RTN3: variants seen among roughly 807,000 people sequenced by gnomAD.
RTN3 encodes reticulon 3, also known as reticulon-3.
A neutral mutation model predicts 77.8 loss-of-function variants in RTN3; 49 were observed. That is an observed-to-expected ratio of 0.63 (90% CI 0.50 to 0.80). The LOEUF (loss-of-function observed/expected upper bound fraction) is 0.80. Among genes scored for constraint, RTN3 ranks in the 30% least tolerant of loss-of-function variants. The pLI is 0.00. For synonymous variants in RTN3, 464 were observed against 446.9 expected (o/e 1.04, Z -0.48); for missense variants, 1,236 against 1,211.9 (o/e 1.02, Z -0.29).
At chr11:63,713,554 C>T (rs914618161) in intron 2 of RTN3, among the ~76,000 whole-genome samples, 1 of 152,074 alleles carries the variant, frequency 6.6e-6, no homozygotes, top group African/African-American at 2.4e-5. Context: ...CAAGCTGTCT[C>T]CCTGCCTTGG....
Position 63,750,113 on chromosome 11 carries a change from G to T in RTN3, c.2653G>T (p.Ala885Ser), listed in dbSNP as rs2014022023. The T allele has an allele frequency of 2.5e-6, 4 of 1,612,818 alleles. No homozygotes were observed. The highest frequency in any genetic ancestry group is 1.7e-5 in the Admixed American group (1 of 59,894). Reference protein sequence around the residue: ...VISVVSYLILALLSVTISFRI... With the variant: ...VISVVSYLILSLLSVTISFRI... ...CAGTGTGGTTTCTTACCTCATCCTG[G>T]CTCTTCTCTCTGTCACCATCAGCTT... The change falls in exon 4 of 9, where the codon GCT becomes TCT. Residue 885 changes from alanine to serine, a missense_variant. Around this residue, in one of 3 missense-constraint regions of RTN3, gnomAD observed 39 missense variants for 66.6 expected, o/e 0.59. Coordinates refer to ENST00000377819, the MANE Select transcript of RTN3 (RefSeq NM_001265589.2).
At chr11:63,726,573 G>A (rs2012278205) in intron 3 of RTN3, among the ~76,000 whole-genome samples, 1 of 152,042 alleles carries the variant, frequency 6.6e-6, no homozygotes, top group African/African-American at 2.4e-5. Flanking sequence ...GATGAAAGAA[G>A]TGAACTGGGC....
chr11:63,713,751 A>G (rs1003279515), intron 2 of RTN3, among the ~76,000 whole-genome samples: 1 of 152,220 alleles, frequency 6.6e-6, no homozygotes, highest in Non-Finnish European at 1.5e-5. Context: ...AATTTAGAAA[A>G]TGTTCATAAT....
At chr11:63,686,245 C>T (rs1465989628) in intron 1 of RTN3, among the ~76,000 whole-genome samples, 1 of 150,694 alleles carries the variant, frequency 6.6e-6, no homozygotes, top group Non-Finnish European at 1.5e-5. Context: ...CCGAGGCAGG[C>T]GGATCACGAG....
chr11:63,721,281 T>A (rs2011773298), intron 3 of RTN3, among the ~76,000 whole-genome samples: 1 of 152,066 alleles, frequency 6.6e-6, no homozygotes, highest in Non-Finnish European at 1.5e-5. Context: ...CCCTAAATAT[T>A]TTTTCTATGC....
intron 1 of RTN3, among the ~76,000 whole-genome samples, chr11:63,704,327 A>G (rs1590805996): frequency 6.6e-6 from 1 of 152,284 alleles, no homozygotes; most frequent in South Asian, 2.1e-4. Context: ...TTTAGAAGAT[A>G]GATTTCTCAT....
chr11:63,721,375 C>G (rs901194919), intron 3 of RTN3, among the ~76,000 whole-genome samples: 51 of 152,120 alleles, frequency 3.4e-4, no homozygotes, highest in African/African-American at 1.2e-3. Context: ...GAGATTGAGA[C>G]CATCCTGGCT....
At chr11:63,741,995 T>C (rs1273525826) in intron 3 of RTN3, among the ~76,000 whole-genome samples, 1 of 151,532 alleles carries the variant, frequency 6.6e-6, no homozygotes. Flanking sequence ...TTTTTTTTTT[T>C]TTGAGATGGA....
rs1193342828 is a variant in RTN3 at position 63,719,064 on chromosome 11, AATGGGGTATC to A, written c.564_573del (p.Asn188LysfsTer18). The stretch of plus-strand genomic sequence containing the variant: ...AATAGATAAAGAGACCAAGAACCCA[AATGGGGTATC>A]AAGTAGGGAGGCTAAAACTGCATTG... On this transcript the variant is annotated frameshift_variant, in exon 3 of 9. Coordinates refer to ENST00000377819, the MANE Select transcript of RTN3 (RefSeq NM_001265589.2). LOFTEE classifies it high-confidence loss of function. 6.2e-7 allele frequency: 1 copy of A among 1,614,162 alleles called. No homozygotes were observed. The highest frequency in any genetic ancestry group is 8.5e-7 in the Non-Finnish European group (1 of 1,180,020).
intron 2 of RTN3, chr11:63,714,404 G>C (rs2011276396): frequency 6.6e-6 from 1 of 151,950 alleles, no homozygotes; most frequent in Non-Finnish European, 1.4e-5. Flanking sequence ...TAAATAGTAA[G>C]TTATAATATT....
chr11:63,711,314 G>T (rs1013880522), intron 2 of RTN3, among the ~76,000 whole-genome samples: 10 of 151,992 alleles, frequency 6.6e-5, no homozygotes, highest in Non-Finnish European at 1.2e-4. Context: ...TTATCTTTCA[G>T]TGTTGGCTTA....
At chr11:63,712,548 T>G (rs1275804365) in intron 2 of RTN3, among the ~76,000 whole-genome samples, 2 of 149,386 alleles carry the variant, frequency 1.3e-5, no homozygotes, top group Non-Finnish European at 3.0e-5. Flanking sequence ...TGCAGTGGTG[T>G]GATCTTGGCT....
intron 7 of RTN3, 115 bp downstream of exon 7, chr11:63,753,823 A>G (rs1221788342): frequency 6.2e-6 from 6 of 962,526 alleles, no homozygotes; most frequent in African/African-American, 4.8e-5. Context: ...TCTACAATCT[A>G]ATTTTGTGAG....
In RTN3 at chr11:63,718,805, T is replaced by C. The variant is rs890715069; in HGVS notation, c.303T>C (p.His101=). The C allele has an allele frequency of 1.7e-5, 28 of 1,613,870 alleles. No homozygotes were observed. In the Admixed American group the frequency reaches 3.2e-4, roughly 18 times the overall value. ...ATAACACTGGCCTTACAATACTACA[T>C]GGAGAAAAAAGCCATGTGTTAGGGA... ...EIHNTGLTIL[H]GEKSHVLGSQ... is the part of the protein sequence containing the mutation. The change falls in exon 3 of 9, where the codon CAT becomes CAC. Residue 101 remains histidine (H), a synonymous_variant. Coordinates refer to ENST00000377819, the MANE Select transcript of RTN3 (RefSeq NM_001265589.2).
chr11:63,681,647 C>G lies in RTN3; in HGVS notation c.11C>G (p.Pro4Arg). 1 of 1,593,080 alleles carries G rather than the reference C, an allele frequency of 6.3e-7. No homozygotes were observed. Among genetic ancestry groups the G allele is most frequent in the Non-Finnish European group, 8.6e-7 (1 of 1,168,466 alleles). ...CTCGCTCGCGTAGCCATGGCGGAGCCGTCGGCGGCCACTCAGTCCCATTCC... is the reference window on the plus strand; with the variant it reads ...CTCGCTCGCGTAGCCATGGCGGAGCGGTCGGCGGCCACTCAGTCCCATTCC... Reference protein sequence around the residue: MAEPSAATQSHSIS... With the variant: MAERSAATQSHSIS... The change falls in exon 1 of 9, where the codon CCG becomes CGG. Residue 4 changes from proline (P) to arginine (R), a missense_variant. Pro to Arg is a moderately radical substitution (Grantham distance 103). Coordinates refer to ENST00000377819, the MANE Select transcript of RTN3 (RefSeq NM_001265589.2).
In RTN3 at chr11:63,750,017, G is replaced by A; in HGVS notation, c.2557G>A (p.Val853Met). 2 of 1,613,864 alleles carry A rather than the reference G, an allele frequency of 1.2e-6. No homozygotes were observed. The highest frequency in any genetic ancestry group is 1.1e-5 in the South Asian group (1 of 91,062). ...SVHDLIFWRDVKKTGFVFGTT... is the reference protein window; with the variant it reads ...SVHDLIFWRDMKKTGFVFGTT... ...GCACGATCTGATTTTCTGGAGAGATGTGAAGAAGACTGGGTTTGTCTTTGG... is the reference window on the plus strand; with the variant it reads ...GCACGATCTGATTTTCTGGAGAGATATGAAGAAGACTGGGTTTGTCTTTGG... The change falls in exon 4 of 9, where the codon GTG (valine) becomes ATG (methionine). Residue 853 changes from valine to methionine, a missense_variant. Physicochemically the swap from Val to Met is conservative, Grantham distance 21. Coordinates refer to ENST00000377819, the MANE Select transcript of RTN3 (RefSeq NM_001265589.2).
At chr11:63,715,919 A>G (rs976173877) in intron 2 of RTN3, among the ~76,000 whole-genome samples, 12 of 152,208 alleles carry the variant, frequency 7.9e-5, no homozygotes, top group Non-Finnish European at 1.6e-4. Flanking sequence ...CTTTTAACCT[A>G]CAATACTGGG....
intron 3 of RTN3, among the ~76,000 whole-genome samples, chr11:63,749,423 A>T (rs990754589): frequency 2.1e-4 from 32 of 152,004 alleles, no homozygotes; most frequent in South Asian, 6.2e-4. Context: ...TTTATTTACC[A>T]CTTTCTTTGC....
At position 63,719,147 on chromosome 11, in the gene RTN3, T is replaced by A; in HGVS notation, c.645T>A (p.Thr215=). ...FTLLTAQKPP[T]EYSKVEGIYT... is the part of the protein sequence containing the mutation. ...TGCTGACAGCCCAGAAACCACCTAC[T>A]GAGTACTCTAAGGTAGAAGGCATTT... is the stretch of plus-strand genomic sequence containing the variant. The change falls in exon 3 of 9, where the codon ACT becomes ACA. Residue 215 remains threonine (T), a synonymous_variant. Transcript: ENST00000377819. The A allele has an allele frequency of 6.2e-7, 1 of 1,614,176 alleles. No individual in the cohort carries two copies. Among genetic ancestry groups the A allele is most frequent in the South Asian group, 1.1e-5 (1 of 91,076 alleles).
Sources: allele counts gnomAD v4.1 joint callset (sites outside exome capture counted in the v4.1 genomes callset), GRCh38; gene constraint gnomAD v4.1.1; regional missense constraint gnomAD v4.1.1; transcripts MANE v1.5; gene names NCBI Gene and HGNC (gene_info 2026-07-23, HGNC 2026-07-21).